KANSL3: variants seen among roughly 807,000 people sequenced by gnomAD.
KANSL3 encodes KAT8 regulatory NSL complex subunit 3.
Under a neutral mutation model 89.2 loss-of-function variants are expected in KANSL3, and 16 were observed. That is an observed-to-expected ratio of 0.18 (90% CI 0.12 to 0.27). KANSL3 has a LOEUF of 0.27. KANSL3 is among the 10% of genes least tolerant of loss of function. The pLI is 1.00. For synonymous variants in KANSL3, 385 were observed against 419.7 expected, an observed-to-expected ratio of 0.92 and a Z score of 1.01; for missense variants, 879 against 1,110.6, an observed-to-expected ratio of 0.79 and a Z score of 2.96.
chr2:96,632,114 G>A (rs2073491261), intron 2 of KANSL3, among the ~76,000 whole-genome samples: 1 of 152,076 alleles, frequency 6.6e-6, no homozygotes, highest in African/African-American at 2.4e-5. Context: ...CAGCACTTGG[G>A]AGGCTGAAGC....
chr2:96,618,505 A>G (rs1330811299), intron 5 of KANSL3, among the ~76,000 whole-genome samples: 1 of 152,244 alleles, frequency 6.6e-6, no homozygotes, highest in Admixed American at 6.5e-5. Context: ...GCCATTTTGT[A>G]TTGGAGCAAA....
At chr2:96,598,527 A>C (rs1419284421) in intron 20 of KANSL3, among the ~76,000 whole-genome samples, 1 of 152,238 alleles carries the variant, frequency 6.6e-6, no homozygotes, top group Non-Finnish European at 1.5e-5. Context: ...TAAAAAGAAT[A>C]GGACACACTG....
At chr2:96,618,233 G>C (rs1174691464) in intron 5 of KANSL3, among the ~76,000 whole-genome samples, 4 of 151,606 alleles carry the variant, frequency 2.6e-5, no homozygotes, top group Non-Finnish European at 5.9e-5. Context: ...CTCTTTCTTA[G>C]AGACAGGGAC....
chr2:96,636,669 G>A (rs1234939723), intron 2 of KANSL3: 1 of 397,842 alleles, frequency 2.5e-6, no homozygotes, highest in Non-Finnish European at 4.5e-6. Flanking sequence ...CTTTCCACAC[G>A]TCCTACTATC....
intron 1 of KANSL3, chr2:96,637,974 G>A (rs891610742): frequency 6.6e-5 from 10 of 152,266 alleles, no homozygotes; most frequent in African/African-American, 2.4e-4. Context: ...TCGCCAGCTC[G>A]GGGAACTGAA....
intron 14 of KANSL3, among the ~76,000 whole-genome samples, chr2:96,607,779 A>G (rs1202616734): frequency 1.3e-5 from 2 of 152,234 alleles, no homozygotes; most frequent in African/African-American, 4.8e-5. Context: ...TCTGCCAGAC[A>G]GCCAGCTCTG....
intron 14 of KANSL3, chr2:96,606,763 C>T (rs1007213003): frequency 6.0e-5 from 18 of 302,072 alleles, no homozygotes; most frequent in African/African-American, 3.6e-4. Context: ...AAAGAAAACA[C>T]CATGAGAAGC....
chr2:96,601,169 G>A, intron 20 of KANSL3: 1 of 355,468 alleles, frequency 2.8e-6, no homozygotes, highest in Non-Finnish European at 3.9e-6. Flanking sequence ...TTGGGAGGCT[G>A]AGGCAGGAGA....
downstream of KANSL3, among the ~76,000 whole-genome samples, chr2:96,589,581 A>G (rs1375133829): frequency 2.0e-5 from 3 of 152,248 alleles, no homozygotes; most frequent in African/African-American, 7.2e-5. Flanking sequence ...AAGGAGACAT[A>G]GACAATTCCA....
chr2:96,619,261 A>G (rs775254497), intron 5 of KANSL3, 98 bp downstream of exon 5: 4 of 1,194,874 alleles, frequency 3.3e-6, no homozygotes, highest in Non-Finnish European at 4.6e-6. Context: ...CATGCACTCC[A>G]GACCGACCAG....
chr2:96,631,015 T>C (rs990027119), intron 3 of KANSL3, among the ~76,000 whole-genome samples: 1 of 152,232 alleles, frequency 6.6e-6, no homozygotes, highest in African/African-American at 2.4e-5. Context: ...CAGAAGCTAC[T>C]ACAGAGCTAG....
intron 3 of KANSL3, among the ~76,000 whole-genome samples, chr2:96,621,937 A>C (rs1372045778): frequency 6.6e-6 from 1 of 151,716 alleles, no homozygotes; most frequent in Non-Finnish European, 1.5e-5. Context: ...AACACAGTGA[A>C]ACCCTGTCTC....
chr2:96,591,384 T>TAA (rs1435007863), downstream of KANSL3, among the ~76,000 whole-genome samples: 1 of 152,204 alleles, frequency 6.6e-6, no homozygotes, highest in Non-Finnish European at 1.5e-5. Context: ...GAGATCTTTG[T>TAA]GCTGATGGAA....
chr2:96,618,477 A>G (rs1247487441), intron 5 of KANSL3, among the ~76,000 whole-genome samples: 1 of 152,240 alleles, frequency 6.6e-6, no homozygotes, highest in Non-Finnish European at 1.5e-5. Flanking sequence ...GGCATGAGCT[A>G]CTATGCCCGG....
intron 9 of KANSL3, among the ~76,000 whole-genome samples, chr2:96,611,737 C>A (rs2068991043): frequency 6.6e-6 from 1 of 152,034 alleles, no homozygotes; most frequent in African/African-American, 2.4e-5. Flanking sequence ...CGAAAAGATT[C>A]CTTGATGTCT....
downstream of KANSL3, among the ~76,000 whole-genome samples, chr2:96,588,305 C>T (rs2066254611): frequency 6.6e-6 from 1 of 152,176 alleles, no homozygotes; most frequent in African/African-American, 2.4e-5. Flanking sequence ...CACTGAATAT[C>T]TCATCAGAAA....
Position 96,594,904 on chromosome 2 carries a change from T to C in KANSL3, c.*707A>G, listed in dbSNP as rs1326060296. The C allele has an allele frequency of 6.6e-6, 1 of 152,266 alleles. No individual in the cohort carries two copies. Among genetic ancestry groups the C allele is most frequent in the African/African-American group, 2.4e-5 (1 of 41,472 alleles). The allele number at this position is 152,266 out of a possible 1,614,324, so 9.4% of individuals were successfully genotyped here. On this transcript the variant is annotated 3_prime_UTR_variant, in exon 21 of 21. Transcript: ENST00000431828. ...AAAGACAAAGGGCCCAGGTTTCACC[T>C]GGCAACCACTGCTCCCAACATCTAG... is the stretch of plus-strand genomic sequence containing the variant.
the KANSL3 span, among the ~76,000 whole-genome samples, chr2:96,583,669 T>C: frequency 6.6e-5 from 10 of 152,342 alleles, no homozygotes; most frequent in Admixed American, 3.3e-4. Context: ...TTAAGGGACA[T>C]TCAGTCTATT....
chr2:96,631,358 C>T lies in KANSL3; in HGVS notation c.340G>A (p.Ala114Thr), dbSNP rs1573632198. The T allele has an allele frequency of 1.2e-6, 2 of 1,613,066 alleles. No homozygotes were observed. Among genetic ancestry groups the T allele is most frequent in the South Asian group, 2.2e-5 (2 of 90,834 alleles). Residue 114 changes from alanine to threonine, a missense_variant, in exon 3 of 21, where the codon GCA becomes ACA. Around this residue, in one of 6 missense-constraint regions of KANSL3, gnomAD observed 210 missense variants for 311.9 expected, o/e 0.67. Coordinates refer to ENST00000431828, the MANE Select transcript of KANSL3 (RefSeq NM_001115016.3). Reference protein sequence around the residue: ...ERHVIFARTDADAPPPPEDWE... With the variant: ...ERHVIFARTDTDAPPPPEDWE... ...TCCTCTGGTGGAGGAGGGGCATCTG[C>T]ATCAGTCCTGGCAAAGATGACATGC...
Sources: gnomAD v4.1 joint callset for allele counts (sites outside exome capture counted in the v4.1 genomes callset) on GRCh38, gnomAD v4.1.1 for gene constraint, gnomAD v4.1.1 regional missense constraint, MANE v1.5 for transcripts, NCBI Gene and HGNC (gene_info 2026-07-23, HGNC 2026-07-21) for gene names.